The following SLCO4A1 variants were observed in gnomAD, a reference collection of about 807,000 sequenced individuals.
The protein encoded by SLCO4A1 is solute carrier organic anion transporter family member 4A1, also known as colon organic anion transporter.
Under a neutral mutation model 64.6 loss-of-function variants are expected in SLCO4A1, and 51 were observed. The ratio of observed to expected loss-of-function variants is 0.79; its 90% confidence interval spans 0.63 to 1.00. SLCO4A1 has a LOEUF of 1.00. Ranked by LOEUF, SLCO4A1 falls within the 50% of genes least tolerant of loss-of-function variation. The pLI, the probability that SLCO4A1 is intolerant of heterozygous loss-of-function variation, is 0.00. For synonymous variants in SLCO4A1, 471 were observed against 444.9 expected, an observed-to-expected ratio of 1.06 and a Z score of -0.74; for missense variants, 919 against 980.5, an observed-to-expected ratio of 0.94 and a Z score of 0.84.
At chr20:62,664,517 A>G (rs1985703822) in intron 5 of SLCO4A1, among the ~76,000 whole-genome samples, 3 of 152,158 alleles carry the variant, frequency 2.0e-5, no homozygotes, top group African/African-American at 7.2e-5. Context: ...CCAGTGACGG[A>G]ACAGGGTCCT....
intron 1 of SLCO4A1, chr20:62,649,310 C>T (rs2427363): frequency 0.53 from 80,118 of 152,158 alleles, 22,448 homozygotes; most frequent in East Asian, 0.75. Flanking sequence ...CTATGTAGGC[C>T]CCCAACTGAT....
chr20:62,648,630 G>C (rs962612541), intron 1 of SLCO4A1, among the ~76,000 whole-genome samples: 3 of 152,242 alleles, frequency 2.0e-5, no homozygotes, highest in Admixed American at 1.3e-4. Flanking sequence ...CTCCTCCCGT[G>C]ATGGGGCAGA....
intron 6 of SLCO4A1, 96 bp downstream of exon 6, chr20:62,665,184 C>T: frequency 7.1e-7 from 1 of 1,400,338 alleles, no homozygotes; most frequent in South Asian, 1.4e-5. Context: ...AGACAGGGCA[C>T]ATGGCAGTGA....
At chr20:62,663,681 C>G (rs1365909775) in intron 5 of SLCO4A1, among the ~76,000 whole-genome samples, 2 of 152,156 alleles carry the variant, frequency 1.3e-5, no homozygotes, top group African/African-American at 4.8e-5. Context: ...CCGAGAGCCC[C>G]CCACTCAGTG....
rs1984766145 is a variant in SLCO4A1, at chr20:62,661,250, G to A, written c.1121+75G>A. ...GTCCCCATCTTGGGGGAGTCGTTGA[G>A]ACCCCTCCGGGATCATGATGGGGAC... On this transcript the variant is annotated intron_variant, in intron 5 of 11. Transcript: ENST00000217159. The surrounding 1 kb of genome is among the most constrained non-coding windows in gnomAD (Gnocchi z 5.2). 3.8e-6 allele frequency: 4 copies of A among 1,042,756 alleles called. No homozygotes were observed. Among genetic ancestry groups the A allele is most frequent in the African/African-American group, 1.6e-5 (1 of 64,084 alleles). The allele number at this position is 1,042,756 out of a possible 1,614,324, so 64.6% of individuals were successfully genotyped here.
In SLCO4A1 at chr20:62,664,917, C is replaced by T. The variant is rs1356263762; in HGVS notation, c.1122-17C>T. The T allele has an allele frequency of 1.3e-6, 2 of 1,584,332 alleles. No homozygotes were observed. The highest frequency in any genetic ancestry group is 2.3e-5 in the South Asian group (2 of 85,310). Reference sequence around the variant, plus strand: ...TCTGACCCTCAGTCTCTTCTCCACACCCCCACCTCTGCCCAGCTCCATCTG... The same window carrying T: ...TCTGACCCTCAGTCTCTTCTCCACATCCCCACCTCTGCCCAGCTCCATCTG... On this transcript the variant is annotated splice_polypyrimidine_tract_variant and intron_variant, in intron 5 of 11. Coordinates refer to ENST00000217159, the MANE Select transcript of SLCO4A1 (RefSeq NM_016354.4).
rs1985905441 is a variant in SLCO4A1 at position 62,665,292 on chromosome 20, T to C, written c.1276+204T>C. On this transcript the variant is annotated intron_variant, in intron 6 of 11. Transcript: ENST00000217159. ...CGGGAGAGTGGTGGTCCTGCCCTCT[T>C]TGTGGGACATGCTCCGTAGGTGGAA... The C allele has an allele frequency of 8.8e-6, 5 of 566,130 alleles. No individual in the cohort carries two copies. The East Asian group carries it at 1.2e-4, about 14-fold the overall frequency. 35.1% of individuals were successfully genotyped at this position (566,130 alleles called of 1,614,324 possible). A position where few individuals can be genotyped will look rare whatever the true frequency, so the allele number is the denominator to read the frequency against.
chr20:62,665,267 CG>C (rs1256304487), intron 6 of SLCO4A1, 179 bp downstream of exon 6: 2 of 641,704 alleles, frequency 3.1e-6, no homozygotes, highest in Non-Finnish European at 5.2e-6. Context: ...GTCCACAGGC[CG>C]GGAGAGTGGT....
rs1984611630 is a variant in SLCO4A1 at position 62,660,659 on chromosome 20, T to G, written c.1009+126T>G. 2.6e-6 allele frequency: 3 copies of G among 1,145,148 alleles called. No individual in the cohort carries two copies. The East Asian group carries it at 7.1e-5, about 27-fold the overall frequency. The allele number at this position is 1,145,148 out of a possible 1,614,324, so 70.9% of individuals were successfully genotyped here. A position where few individuals can be genotyped will look rare whatever the true frequency, so the allele number is the denominator to read the frequency against. ...TGATCAAGTCTGCGGCACACCCTCA[T>G]TCTCAGTGTTCTTCCCATCTGGGTG... On this transcript the variant is annotated intron_variant, in intron 4 of 11. Transcript: ENST00000217159.
At position 62,671,729 on chromosome 20, in the gene SLCO4A1, A is replaced by G. The variant is rs1390179093; in HGVS notation, c.2026-21A>G. 5 of 1,608,762 alleles carry G rather than the reference A, an allele frequency of 3.1e-6. No individual in the cohort carries two copies. In the African/African-American group the frequency reaches 6.7e-5, roughly 22 times the overall value. On this transcript the variant is annotated intron_variant, in intron 11 of 11. Coordinates refer to ENST00000217159, the MANE Select transcript of SLCO4A1 (RefSeq NM_016354.4). ...TCTGGCCGAGCTCCCCACGAGGTCCAGCGGGCTCCTCTCTCCCCAGGTGCT... is the reference window on the plus strand; with the variant it reads ...TCTGGCCGAGCTCCCCACGAGGTCCGGCGGGCTCCTCTCTCCCCAGGTGCT...
intron 1 of SLCO4A1, among the ~76,000 whole-genome samples, chr20:62,647,256 G>T (rs1043272124): frequency 5.9e-5 from 9 of 152,230 alleles, no homozygotes; most frequent in African/African-American, 2.2e-4. Context: ...TGGGGGGCTG[G>T]TGTGGCAGGG....
At chr20:62,648,279 C>T (rs930425509) in intron 1 of SLCO4A1, among the ~76,000 whole-genome samples, 6 of 152,234 alleles carry the variant, frequency 3.9e-5, no homozygotes, top group South Asian at 2.1e-4. Flanking sequence ...GGGTGGTTTG[C>T]GTTTCTCTCG....
In SLCO4A1 at chr20:62,644,930, G is replaced by T. The variant is rs1236579265; in HGVS notation, c.-97+2377G>T. ...GGAGCTCTGGGAGAGAGCCACGCCAGGCCAGCCCTCCTGCTTCCTCAAGCG... is the reference window on the plus strand; with the variant it reads ...GGAGCTCTGGGAGAGAGCCACGCCATGCCAGCCCTCCTGCTTCCTCAAGCG... On this transcript the variant is annotated intron_variant, in intron 1 of 11. Coordinates refer to ENST00000217159, the MANE Select transcript of SLCO4A1 (RefSeq NM_016354.4). This position sits in a 1 kb window ranked among gnomAD's most constrained non-coding sequence, Gnocchi z 5.4. 6.6e-6 allele frequency among the ~76,000 whole-genome samples: 1 copy of T among 152,232 alleles called. No individual in the cohort carries two copies. The highest frequency in any genetic ancestry group is 1.9e-4 in the East Asian group (1 of 5,194).
Position 62,661,081 on chromosome 20 carries a change from G to T in SLCO4A1, c.1027G>T (p.Val343Phe). The change falls in exon 5 of 12, where the codon GTC becomes TTC. Residue 343 changes from valine to phenylalanine, a missense_variant. Coordinates refer to ENST00000217159, the MANE Select transcript of SLCO4A1 (RefSeq NM_016354.4). This position sits in a 1 kb window ranked among gnomAD's most constrained non-coding sequence, Gnocchi z 5.2. ...RQLPGSQRYAVMRAAEMHQLK... is the reference protein window; with the variant it reads ...RQLPGSQRYAFMRAAEMHQLK... ...CCTTCCAGGCTCCCAGCGCTACGCG[G>T]TCATGAGAGCGGCGGAAATGCACCA... 7.3e-7 allele frequency: 1 copy of T among 1,372,782 alleles called. No homozygotes were observed. Among genetic ancestry groups the T allele is most frequent in the Non-Finnish European group, 9.7e-7 (1 of 1,026,358 alleles). The allele number at this position is 1,372,782 out of a possible 1,614,324, so 85.0% of individuals were successfully genotyped here. A position where few individuals can be genotyped will look rare whatever the true frequency, so the allele number is the denominator to read the frequency against.
At position 62,668,123 on chromosome 20, in the gene SLCO4A1, A is replaced by G. The variant is rs1368380991; in HGVS notation, c.1750A>G (p.Ile584Val). 6.2e-7 allele frequency: 1 copy of G among 1,613,992 alleles called. No homozygotes were observed. The highest frequency in any genetic ancestry group is 8.5e-7 in the Non-Finnish European group (1 of 1,180,044). The stretch of plus-strand genomic sequence containing the variant: ...GAGAAAGCCCCTCCTTCTGGTTTTC[A>G]TATTCGTTGTAATTTTCTTTACATT... ...CQRKPLLLVF[I>V]FVVIFFTFLS... The change falls in exon 9 of 12, where the codon ATA becomes GTA. Residue 584 changes from isoleucine to valine, a missense_variant. Ile to Val is a conservative substitution (Grantham distance 29). Transcript: ENST00000217159.
chr20:62,687,901 G>A (rs1009664763), downstream of SLCO4A1, among the ~76,000 whole-genome samples: 2 of 152,072 alleles, frequency 1.3e-5, no homozygotes, highest in Non-Finnish European at 2.9e-5. Context: ...TACCCCAGGG[G>A]ATCCCCACTC....
At chr20:62,688,273 C>T (rs148148834), downstream of SLCO4A1, among the ~76,000 whole-genome samples, 1,243 of 152,262 alleles carry the variant, frequency 8.2e-3, 10 homozygotes, top group Non-Finnish European at 0.012. Flanking sequence ...AACACCTCGC[C>T]CAGGTCCTGC....
Position 62,645,520 on chromosome 20 carries a change from G to A in SLCO4A1, c.-97+2967G>A, listed in dbSNP as rs1198037162. Reference sequence around the variant, plus strand: ...CGCACCCTCACCCTCATCCTCACCCGCAGCCTCACCCTCAGTCCTCAGACA... The same window carrying A: ...CGCACCCTCACCCTCATCCTCACCCACAGCCTCACCCTCAGTCCTCAGACA... On this transcript the variant is annotated intron_variant, in intron 1 of 11. Transcript: ENST00000217159. This position sits in a 1 kb window ranked among gnomAD's most constrained non-coding sequence, Gnocchi z 4.2. 3.5e-5 allele frequency among the ~76,000 whole-genome samples: 5 copies of A among 144,394 alleles called. No homozygotes were observed. Among genetic ancestry groups the A allele is most frequent in the Admixed American group, 2.7e-4 (4 of 14,610 alleles). 94.7% of individuals were successfully genotyped at this position (144,394 alleles called of 152,430 possible). A position where few individuals can be genotyped will look rare whatever the true frequency, so the allele number is the denominator to read the frequency against.
In SLCO4A1 at chr20:62,661,312, G is replaced by A; in HGVS notation, c.1121+137G>A. 3.1e-6 allele frequency: 2 copies of A among 653,820 alleles called. No homozygotes were observed. Among genetic ancestry groups the A allele is most frequent in the Admixed American group, 4.9e-5 (2 of 41,186 alleles). 40.5% of individuals were successfully genotyped at this position (653,820 alleles called of 1,614,324 possible). On this transcript the variant is annotated intron_variant, in intron 5 of 11. Coordinates refer to ENST00000217159, the MANE Select transcript of SLCO4A1 (RefSeq NM_016354.4). The surrounding 1 kb of genome is among the most constrained non-coding windows in gnomAD (Gnocchi z 5.2). ...CCTCTGTCGTGACCCTGGGCCAAGA[G>A]ATTAAGGAGCAACAGATAGAGCCTC...
Sources: gnomAD v4.1 joint callset for allele counts (sites outside exome capture counted in the v4.1 genomes callset) on GRCh38, gnomAD v4.1.1 for gene constraint, Gnocchi (gnomAD v3.1) non-coding constraint, MANE v1.5 for transcripts, NCBI Gene and HGNC (gene_info 2026-07-23, HGNC 2026-07-21) for gene names.